The following CRACD variants were observed in gnomAD, a reference collection of about 807,000 sequenced individuals.
CRACD encodes capping protein-inhibiting regulator of actin dynamics.
In CRACD, 56 loss-of-function variants were observed where a neutral mutation model predicts 106.8. The observed-to-expected ratio is 0.52, with a 90% CI of 0.42 to 0.66. CRACD has a LOEUF of 0.66. Ranked by LOEUF, CRACD falls within the 30% of genes least tolerant of loss-of-function variation. The pLI is 0.00. For synonymous variants in CRACD, 754 were observed against 670.8 expected (o/e 1.12, Z -1.92); for missense variants, 1,730 against 1,623.2 (o/e 1.07, Z -1.13).
chr4:56,085,955 AATTAGATTTCAC>A (rs1167587816), intron 1 of CRACD, among the ~76,000 whole-genome samples: 6 of 152,152 alleles, frequency 3.9e-5, no homozygotes, highest in African/African-American at 1.4e-4. Context: ...GCTCAGTTTA[AATTAGATTTCAC>A]TATTTCCTAT....
chr4:56,137,379 A>T (rs193197879), intron 1 of CRACD, among the ~76,000 whole-genome samples: 6 of 152,312 alleles, frequency 3.9e-5, no homozygotes, highest in African/African-American at 1.4e-4. Flanking sequence ...GCGGCTCATG[A>T]GTATAAATGT....
chr4:56,068,757 G>A (rs367936132), intron 1 of CRACD, among the ~76,000 whole-genome samples: 34 of 152,092 alleles, frequency 2.2e-4, no homozygotes, highest in African/African-American at 6.8e-4. Context: ...ACTACAGCGG[G>A]GGATGGATTT....
At chr4:56,175,813 T>C (rs1736559247) in intron 1 of CRACD, among the ~76,000 whole-genome samples, 1 of 152,238 alleles carries the variant, frequency 6.6e-6, no homozygotes, top group African/African-American at 2.4e-5. Flanking sequence ...TAATTTTTGC[T>C]TTGGTTGCCT....
At chr4:56,298,858 G>A (rs758902504) in intron 4 of CRACD, among the ~76,000 whole-genome samples, 3 of 152,038 alleles carry the variant, frequency 2.0e-5, no homozygotes, top group Non-Finnish European at 4.4e-5. Context: ...ACTTGAATCC[G>A]GGAGGCAGAG....
At chr4:56,167,898 A>G (rs1391273279) in intron 1 of CRACD, among the ~76,000 whole-genome samples, 1 of 152,178 alleles carries the variant, frequency 6.6e-6, no homozygotes, top group Non-Finnish European at 1.5e-5. Context: ...TAAGTCAGTT[A>G]ATTTTATTTA....
At chr4:56,127,941 A>G (rs1734711840) in intron 1 of CRACD, among the ~76,000 whole-genome samples, 2 of 152,120 alleles carry the variant, frequency 1.3e-5, no homozygotes, top group Non-Finnish European at 2.9e-5. Context: ...ACAAAGGGAC[A>G]CTCCTATTGC....
chr4:56,215,694 G>C (rs1159361095), intron 2 of CRACD, among the ~76,000 whole-genome samples: 1 of 152,206 alleles, frequency 6.6e-6, no homozygotes, highest in African/African-American at 2.4e-5. Context: ...TTTGCTCACT[G>C]AGTAGTATTA....
At chr4:56,239,258 A>C (rs925153753) in intron 2 of CRACD, among the ~76,000 whole-genome samples, 1 of 151,844 alleles carries the variant, frequency 6.6e-6, no homozygotes, top group East Asian at 1.9e-4. Context: ...GTGCCACTGC[A>C]CTCCCGCCTG....
intron 2 of CRACD, among the ~76,000 whole-genome samples, chr4:56,202,268 C>T (rs1013110345): frequency 3.6e-4 from 54 of 151,828 alleles, no homozygotes; most frequent in African/African-American, 1.2e-3. Context: ...TTTTTTTAGA[C>T]GGAGTCTCGC....
intron 2 of CRACD, among the ~76,000 whole-genome samples, chr4:56,257,513 A>C (rs73162419): frequency 0.13 from 19,181 of 144,108 alleles, 2,823 homozygotes; most frequent in East Asian, 0.62. Context: ...CATAATGAGA[A>C]CTTGTCTCTA....
chr4:56,143,460 G>A (rs532323399), intron 1 of CRACD, among the ~76,000 whole-genome samples: 8 of 151,754 alleles, frequency 5.3e-5, no homozygotes, highest in East Asian at 1.9e-4. Context: ...TCCTTCTGTC[G>A]ATTCATGAAG....
intron 2 of CRACD, among the ~76,000 whole-genome samples, chr4:56,256,651 C>T (rs893328994): frequency 7.9e-5 from 12 of 152,190 alleles, no homozygotes; most frequent in Non-Finnish European, 1.8e-4. Flanking sequence ...GTGGTGTATA[C>T]ATGAGATCTG....
chr4:56,182,624 G>A (rs17086394), intron 2 of CRACD, among the ~76,000 whole-genome samples: 5,982 of 152,094 alleles, frequency 0.039, 308 homozygotes, highest in African/African-American at 0.11. Flanking sequence ...GCACACATAC[G>A]ACGTTGCAGT....
intron 2 of CRACD, among the ~76,000 whole-genome samples, chr4:56,210,085 G>A (rs528733037): frequency 1.4e-4 from 21 of 152,264 alleles, no homozygotes; most frequent in East Asian, 1.3e-3. Context: ...CACTGAGAAC[G>A]TGTTTCCAGA....
At chr4:56,265,711 C>T (rs988040030) in intron 2 of CRACD, among the ~76,000 whole-genome samples, 1 of 152,070 alleles carries the variant, frequency 6.6e-6, no homozygotes, top group African/African-American at 2.4e-5. Flanking sequence ...TTTTATTTTG[C>T]CTGGATTCTC....
chr4:56,236,969 C>T (rs1740012642), intron 2 of CRACD, among the ~76,000 whole-genome samples: 1 of 152,054 alleles, frequency 6.6e-6, no homozygotes, highest in African/African-American at 2.4e-5. Flanking sequence ...TGCTATAACC[C>T]CTTTGGAATG....
intron 1 of CRACD, among the ~76,000 whole-genome samples, chr4:56,051,920 C>T (rs1466291422): frequency 2.0e-5 from 3 of 152,006 alleles, no homozygotes; most frequent in African/African-American, 7.3e-5. Flanking sequence ...GGGAAGTAAT[C>T]CTATTTAGAA....
chr4:56,293,729 C>T (rs1413380696), intron 3 of CRACD, among the ~76,000 whole-genome samples: 1 of 152,144 alleles, frequency 6.6e-6, no homozygotes, highest in Non-Finnish European at 1.5e-5. Flanking sequence ...CAAGAACTCA[C>T]TCACTACCAT....
chr4:56,246,097 C>G (rs1171811151), intron 2 of CRACD, among the ~76,000 whole-genome samples: 2 of 152,186 alleles, frequency 1.3e-5, no homozygotes, highest in Non-Finnish European at 2.9e-5. Flanking sequence ...GAGCCCCAAC[C>G]TACTGGCCTG....
Sources: allele counts gnomAD v4.1 joint callset (sites outside exome capture counted in the v4.1 genomes callset), GRCh38; gene constraint gnomAD v4.1.1; transcripts MANE v1.5; gene names NCBI Gene and HGNC (gene_info 2026-07-23, HGNC 2026-07-21).